Variants in MARCHF8 observed in about 807,000 individuals in gnomAD.
MARCHF8 encodes E3 ubiquitin-protein ligase MARCHF8.
In MARCHF8, 40 loss-of-function variants were observed where a neutral mutation model predicts 51.6. That is an observed-to-expected ratio of 0.77 (90% confidence interval 0.60 to 1.01). MARCHF8 has a LOEUF of 1.01. MARCHF8 is among the 50% of genes least tolerant of loss of function. The pLI is 0.00. For missense variants in MARCHF8, 685 were observed against 708.6 expected (o/e 0.97, Z 0.38); for synonymous variants, 263 against 280.3 (o/e 0.94, Z 0.62).
intron 2 of MARCHF8, among the ~76,000 whole-genome samples, chr10:45,521,674 A>T (rs977582440): frequency 1.3e-5 from 2 of 152,240 alleles, no homozygotes; most frequent in African/African-American, 4.8e-5. Context: ...ATTGGCCTTT[A>T]AATTATTTCG....
In MARCHF8 at chr10:45,459,236, C is replaced by T. The variant is rs780106992; in HGVS notation, c.1301G>A (p.Arg434His). ...WEKLQMTSSE[R>H]RKIMCSVTFH... is the part of the protein sequence containing the mutation. ...TGTCACTGAGCACATGATCTTCCTG[C>T]GCTCGCTGGACGTCATCTGCAACTT... The change falls in exon 7 of 8, where the codon CGC (arginine) becomes CAC (histidine). Residue 434 changes from arginine to histidine, a missense_variant. Physicochemically the swap from Arg to His is conservative, Grantham distance 29. Transcript: ENST00000453424. 19 of 1,613,968 alleles carry T rather than the reference C, an allele frequency of 1.2e-5. No individual in the cohort carries two copies. Among genetic ancestry groups the T allele is most frequent in the East Asian group, 2.2e-5 (1 of 44,856 alleles).
intron 7 of MARCHF8, 86 bp from the exon 8 acceptor site, chr10:45,458,629 T>A: frequency 7.5e-7 from 1 of 1,333,244 alleles, no homozygotes; most frequent in Non-Finnish European, 1.0e-6. Context: ...CATAATCAAC[T>A]GATTCTTTGT....
chr10:45,520,456 A>G (rs902293847), intron 2 of MARCHF8, among the ~76,000 whole-genome samples: 7 of 152,142 alleles, frequency 4.6e-5, no homozygotes, highest in Non-Finnish European at 1.0e-4. Context: ...CATACTGGGG[A>G]AAAAAATCAA....
rs185478713 is a variant in MARCHF8 at position 45,473,360 on chromosome 10, T to C, written c.154-9033A>G. Among the ~76,000 whole-genome samples, 669 of 152,318 alleles carry C rather than the reference T, an allele frequency of 4.4e-3. 4 individuals are homozygous for C. The highest frequency in any genetic ancestry group is 0.015 in the African/African-American group (638 of 41,574). ...ATCACAGTCTGCAAGGCCCCAGCCTTGGGCAACTGCCAGAGCCTACAGAGC... is the reference window on the plus strand; with the variant it reads ...ATCACAGTCTGCAAGGCCCCAGCCTCGGGCAACTGCCAGAGCCTACAGAGC... On this transcript the variant is annotated intron_variant, in intron 3 of 7. Coordinates refer to ENST00000453424, the MANE Select transcript of MARCHF8 (RefSeq NM_001282866.2).
chr10:45,482,942 A>G (rs1008650427), intron 3 of MARCHF8, among the ~76,000 whole-genome samples: 2 of 152,232 alleles, frequency 1.3e-5, no homozygotes, highest in African/African-American at 4.8e-5. Context: ...ATCCATACGC[A>G]GATGAATGAA....
intron 2 of MARCHF8, among the ~76,000 whole-genome samples, chr10:45,503,800 T>C (rs916922412): frequency 9.2e-6 from 1 of 108,942 alleles, no homozygotes; most frequent in African/African-American, 3.7e-5. Flanking sequence ...ATTAAAAGGA[T>C]ATAAATACTG....
Position 45,490,325 on chromosome 10 carries a change from G to A in MARCHF8, c.103-908C>T, listed in dbSNP as rs116932511. 2.4e-4 allele frequency among the ~76,000 whole-genome samples: 36 copies of A among 152,240 alleles called. 1 individual carries two copies. The East Asian group carries it at 6.0e-3, about 25-fold the overall frequency. On this transcript the variant is annotated intron_variant, in intron 2 of 7. Transcript: ENST00000453424. ...TTTACATGAGGTCAATAGTAGTCCC[G>A]GCTACTCAGGAGGTGACTCTAATCC... is the stretch of plus-strand genomic sequence containing the variant.
At position 45,464,281 on chromosome 10, in the gene MARCHF8, A is replaced by G. The variant is rs146266174; in HGVS notation, c.200T>C (p.Phe67Ser). 2.3e-3 allele frequency: 3,654 copies of G among 1,614,158 alleles called. 7 individuals are homozygous for G. The highest frequency in any genetic ancestry group is 2.6e-3 in the Non-Finnish European group (3,111 of 1,180,028). Residue 67 changes from phenylalanine to serine, a missense_variant, in exon 4 of 8, where the codon TTC (phenylalanine) becomes TCC (serine). Phe to Ser is a radical substitution (Grantham distance 155, BLOSUM62 -2). Coordinates refer to ENST00000453424, the MANE Select transcript of MARCHF8 (RefSeq NM_001282866.2). ...GGATGGCGTGATAGAAGTGCGAGAGAAGGAGGACACCGGAGCCGGAGCTGA... is the reference window on the plus strand; with the variant it reads ...GGATGGCGTGATAGAAGTGCGAGAGGAGGAGGACACCGGAGCCGGAGCTGA... ...SASAPAPVSS[F>S]SRTSITPSSQ... is the part of the protein sequence containing the mutation.
chr10:45,584,495 T>C (rs1365921127), intron 1 of MARCHF8, among the ~76,000 whole-genome samples: 1 of 151,892 alleles, frequency 6.6e-6, no homozygotes, highest in Non-Finnish European at 1.5e-5. Flanking sequence ...CAATATTAAG[T>C]GACAATATTA....
intron 1 of MARCHF8, among the ~76,000 whole-genome samples, chr10:45,561,566 G>C (rs1482992288): frequency 6.7e-6 from 1 of 149,152 alleles, no homozygotes; most frequent in East Asian, 2.1e-4. Flanking sequence ...GAGCCACCAC[G>C]CCCAGCCGAA....
At chr10:45,590,146 T>G (rs1181998735) in intron 1 of MARCHF8, among the ~76,000 whole-genome samples, 2 of 152,242 alleles carry the variant, frequency 1.3e-5, no homozygotes, top group Non-Finnish European at 2.9e-5. Flanking sequence ...AGTAACCGTC[T>G]TAGTTACTTC....
intron 3 of MARCHF8, among the ~76,000 whole-genome samples, chr10:45,471,995 A>G (rs1243308844): frequency 1.3e-5 from 2 of 152,196 alleles, no homozygotes; most frequent in African/African-American, 2.4e-5. Flanking sequence ...CAGGCTACTC[A>G]TCTGGCCAGC....
At chr10:45,474,363 C>T (rs1421904335) in intron 3 of MARCHF8, among the ~76,000 whole-genome samples, 1 of 152,136 alleles carries the variant, frequency 6.6e-6, no homozygotes, top group East Asian at 1.9e-4. Context: ...GCCAGCCATA[C>T]TCTATGGCTT....
intron 2 of MARCHF8, among the ~76,000 whole-genome samples, chr10:45,503,898 T>G (rs759952901): frequency 6.6e-6 from 1 of 152,148 alleles, no homozygotes; most frequent in Non-Finnish European, 1.5e-5. Flanking sequence ...TATGATTCCA[T>G]CTATATAAAA....
At chr10:45,563,201 A>AT (rs2044329798) in intron 1 of MARCHF8, among the ~76,000 whole-genome samples, 1 of 151,792 alleles carries the variant, frequency 6.6e-6, no homozygotes, top group African/African-American at 2.4e-5. Flanking sequence ...TAATTTTTTT[A>AT]TTTTTTGTAG....
At chr10:45,471,771 T>A (rs2042695258) in intron 3 of MARCHF8, among the ~76,000 whole-genome samples, 1 of 152,190 alleles carries the variant, frequency 6.6e-6, no homozygotes, top group South Asian at 2.1e-4. Flanking sequence ...ACAGGGCTGC[T>A]ACTAGGATCA....
At chr10:45,555,021 T>C (rs535597170) in intron 1 of MARCHF8, among the ~76,000 whole-genome samples, 1 of 151,926 alleles carries the variant, frequency 6.6e-6, no homozygotes, top group African/African-American at 2.4e-5. Context: ...GCCACTGCAT[T>C]CCAGCCTGGG....
intron 3 of MARCHF8, among the ~76,000 whole-genome samples, 185 bp from the exon 4 acceptor site, chr10:45,464,512 T>A (rs913440088): frequency 7.2e-5 from 11 of 152,248 alleles, no homozygotes; most frequent in Non-Finnish European, 1.5e-5. Flanking sequence ...TTTTTTCTTA[T>A]CTGTGGATAA....
At chr10:45,534,122 G>C (rs543326196) in intron 1 of MARCHF8, among the ~76,000 whole-genome samples, 2 of 151,970 alleles carry the variant, frequency 1.3e-5, no homozygotes, top group Non-Finnish European at 1.5e-5. Flanking sequence ...GGCGGAGCTC[G>C]CAGTGAGCCA....
Sources: allele counts gnomAD v4.1 joint callset (sites outside exome capture counted in the v4.1 genomes callset), GRCh38; gene constraint gnomAD v4.1.1; transcripts MANE v1.5; gene names NCBI Gene and HGNC (gene_info 2026-07-23, HGNC 2026-07-21).